QKI: variants seen among roughly 807,000 people sequenced by gnomAD.
QKI encodes the protein KH domain-containing RNA-binding protein QKI.
A neutral mutation model predicts 39.0 loss-of-function variants in QKI; 10 were observed. The ratio of observed to expected loss-of-function variants is 0.26; its 90% CI spans 0.16 to 0.43. The LOEUF (loss-of-function observed/expected upper bound fraction) is 0.43. Ranked by LOEUF, QKI falls within the 20% of genes least tolerant of loss-of-function variation. The pLI is 1.00. For synonymous variants in QKI, 204 were observed against 155.4 expected (o/e 1.31, Z -2.33); for missense variants, 218 against 428.0 (o/e 0.51, Z 4.33).
chr6:163,486,032 C>G (rs959610085), intron 3 of QKI, among the ~76,000 whole-genome samples: 14 of 152,192 alleles, frequency 9.2e-5, no homozygotes, highest in African/African-American at 3.4e-4. Context: ...GCCTATGGAC[C>G]GGGGGTTGGA....
chr6:163,532,843 C>T (rs1306908263), intron 3 of QKI, among the ~76,000 whole-genome samples: 3 of 152,158 alleles, frequency 2.0e-5, no homozygotes, highest in Admixed American at 6.5e-5. Flanking sequence ...TGCTTAGTCT[C>T]CTCATGGAGT....
intron 2 of QKI, among the ~76,000 whole-genome samples, chr6:163,477,894 A>G (rs1792744807): frequency 6.6e-6 from 1 of 152,230 alleles, no homozygotes; most frequent in Non-Finnish European, 1.5e-5. Flanking sequence ...GATAAATGCA[A>G]GAAAAAAGTA....
At position 163,572,190 on chromosome 6, in the gene QKI, T is replaced by C. The variant is rs982504391; in HGVS notation, c.*1480T>C. On this transcript the variant is annotated 3_prime_UTR_variant, in exon 8 of 8. Transcript: ENST00000361752. ...CCAAAGGATTCTGAGATAAAAATTATGTGTCATCTAAACTTCAGTTTACAG... is the reference window on the plus strand; with the variant it reads ...CCAAAGGATTCTGAGATAAAAATTACGTGTCATCTAAACTTCAGTTTACAG... The C allele has an allele frequency of 6.6e-6, 1 of 152,242 alleles. No homozygotes were observed. The highest frequency in any genetic ancestry group is 2.4e-5 in the African/African-American group (1 of 41,470). The allele number at this position is 152,242 out of a possible 1,614,324, so 9.4% of individuals were successfully genotyped here.
At chr6:163,475,851 A>G (rs1191050917) in intron 2 of QKI, among the ~76,000 whole-genome samples, 1 of 152,214 alleles carries the variant, frequency 6.6e-6, no homozygotes, top group African/African-American at 2.4e-5. Flanking sequence ...CACAGAAAAC[A>G]CTAACCATGA....
chr6:163,442,067 A>G (rs1789799989), intron 1 of QKI, among the ~76,000 whole-genome samples: 1 of 152,200 alleles, frequency 6.6e-6, no homozygotes, highest in South Asian at 2.1e-4. Flanking sequence ...CACCATTTAC[A>G]TACGAATGTA....
chr6:163,452,046 A>G (rs969407426), intron 1 of QKI, among the ~76,000 whole-genome samples: 3 of 152,234 alleles, frequency 2.0e-5, no homozygotes, highest in African/African-American at 7.2e-5. Context: ...GCATAGTAAG[A>G]TTGGAAACCA....
At chr6:163,441,780 C>T (rs527702598) in intron 1 of QKI, among the ~76,000 whole-genome samples, 1 of 152,174 alleles carries the variant, frequency 6.6e-6, no homozygotes, top group East Asian at 1.9e-4. Context: ...AGAGTTACTG[C>T]AAAACCTTGA....
chr6:163,566,002 A>G, intron 6 of QKI: 1 of 1,610,826 alleles, frequency 6.2e-7, no homozygotes, highest in Non-Finnish European at 8.5e-7. Context: ...CTGAACCCTC[A>G]TCAGATCTGA....
intron 1 of QKI, among the ~76,000 whole-genome samples, chr6:163,450,051 G>GTA (rs112584915): frequency 0.031 from 4,735 of 151,466 alleles, 243 homozygotes; most frequent in African/African-American, 0.11. Context: ...GTATATATGT[G>GTA]TATATATATA....
At chr6:163,429,148 C>G (rs748377424) in intron 1 of QKI, 45 of 152,134 alleles carry the variant, frequency 3.0e-4, no homozygotes, top group Admixed American at 2.7e-3. Flanking sequence ...TTTGTCTATA[C>G]ATTTTAAGAT....
intron 2 of QKI, among the ~76,000 whole-genome samples, chr6:163,467,575 G>A (rs1791862385): frequency 6.6e-6 from 1 of 152,146 alleles, no homozygotes; most frequent in African/African-American, 2.4e-5. Flanking sequence ...CATGTGCCAT[G>A]TGTGCTATGA....
At chr6:163,433,765 CAT>C (rs1554258122) in intron 1 of QKI, among the ~76,000 whole-genome samples, 2 of 150,748 alleles carry the variant, frequency 1.3e-5, no homozygotes, top group Non-Finnish European at 3.0e-5. Flanking sequence ...AGACTCCTCT[CAT>C]AAAAAAAAAA....
chr6:163,460,539 G>A lies in QKI; in HGVS notation c.285+5118G>A, dbSNP rs141068706. On this transcript the variant is annotated intron_variant, in intron 2 of 7. Transcript: ENST00000361752. ...TGGGTTTGCAAATCAGCTTAGGCTCGTCATAGCTTCTGAGTTAGTTAGCAT... is the reference window on the plus strand; with the variant it reads ...TGGGTTTGCAAATCAGCTTAGGCTCATCATAGCTTCTGAGTTAGTTAGCAT... Among the ~76,000 whole-genome samples, 9 of 152,176 alleles carry A rather than the reference G, an allele frequency of 5.9e-5. 1 individual carries two copies. In the South Asian group the frequency reaches 6.2e-4, roughly 11 times the overall value.
chr6:163,471,704 A>G (rs890306549), intron 2 of QKI, among the ~76,000 whole-genome samples: 2 of 152,156 alleles, frequency 1.3e-5, no homozygotes, highest in Non-Finnish European at 2.9e-5. Flanking sequence ...TCGTCCGCCC[A>G]CATCCAGGAA....
intron 3 of QKI, among the ~76,000 whole-genome samples, chr6:163,528,895 A>G (rs1321219162): frequency 6.6e-6 from 1 of 152,216 alleles, no homozygotes; most frequent in East Asian, 1.9e-4. Flanking sequence ...ACATATTTAT[A>G]CATATAGTAT....
chr6:163,444,583 T>C (rs1365080319), intron 1 of QKI, among the ~76,000 whole-genome samples: 1 of 152,204 alleles, frequency 6.6e-6, no homozygotes, highest in Admixed American at 6.5e-5. Context: ...TACAAAGCTT[T>C]TGCAGGGAAA....
chr6:163,522,938 C>G lies in QKI; in HGVS notation c.403-12044C>G, dbSNP rs572000597. 7.9e-5 allele frequency among the ~76,000 whole-genome samples: 12 copies of G among 151,936 alleles called. 1 individual carries two copies. The South Asian group carries it at 1.7e-3, about 21-fold the overall frequency. On this transcript the variant is annotated intron_variant, in intron 3 of 7. Transcript: ENST00000361752. Reference sequence around the variant, plus strand: ...ATAGGACGTCGCAACCTACCAACTACAAATGATGGAACCTCCTGTTAGTCT... The same window carrying G: ...ATAGGACGTCGCAACCTACCAACTAGAAATGATGGAACCTCCTGTTAGTCT...
At chr6:163,464,908 T>A (rs181351458) in intron 2 of QKI, among the ~76,000 whole-genome samples, 1 of 152,304 alleles carries the variant, frequency 6.6e-6, no homozygotes, top group Admixed American at 6.5e-5. Context: ...GCCAATATCC[T>A]TGATGAACAG....
chr6:163,497,105 T>C (rs1016394748), intron 3 of QKI, among the ~76,000 whole-genome samples: 2 of 152,214 alleles, frequency 1.3e-5, no homozygotes, highest in African/African-American at 2.4e-5. Flanking sequence ...TTGCTTATAA[T>C]TATTTTGCAT....
Sources: allele counts gnomAD v4.1 joint callset (sites outside exome capture counted in the v4.1 genomes callset), GRCh38; gene constraint gnomAD v4.1.1; transcripts MANE v1.5; gene names NCBI Gene and HGNC (gene_info 2026-07-23, HGNC 2026-07-21).